Variants in WDFY2 observed in about 807,000 individuals in gnomAD.
WDFY2 encodes WD repeat and FYVE domain containing 2.
In WDFY2, 36 loss-of-function variants were observed where a neutral mutation model predicts 56.4. The observed-to-expected ratio is 0.64, with a 90% CI of 0.49 to 0.84. WDFY2 has a LOEUF of 0.84. Among genes scored for constraint, WDFY2 ranks in the 40% least tolerant of loss-of-function variants. WDFY2 has a pLI of 0.00. For missense variants in WDFY2, 444 were observed against 512.2 expected (o/e 0.87, Z 1.29); for synonymous variants, 176 against 183.7 (o/e 0.96, Z 0.34).
rs1953893849 is a variant in WDFY2 at position 51,584,490 on chromosome 13, G to T, written c.-198G>T. 2 of 662,224 alleles carry T rather than the reference G, an allele frequency of 3.0e-6. No individual in the cohort carries two copies. Among genetic ancestry groups the T allele is most frequent in the East Asian group, 3.1e-5 (1 of 32,654 alleles). 41.0% of individuals were successfully genotyped at this position (662,224 alleles called of 1,614,324 possible). A position where few individuals can be genotyped will look rare whatever the true frequency, so the allele number is the denominator to read the frequency against. On this transcript the variant is annotated 5_prime_UTR_variant, in exon 1 of 12. Coordinates refer to ENST00000298125, the MANE Select transcript of WDFY2 (RefSeq NM_052950.4). ...GTGGCGCCGGCTTGCATCCCAGGTC[G>T]TGGCGGTTTTGGTGCCTGAAGCAGG...
chr13:51,745,004 C>T (rs759508795), intron 7 of WDFY2, among the ~76,000 whole-genome samples: 7 of 152,198 alleles, frequency 4.6e-5, no homozygotes, highest in Non-Finnish European at 2.9e-5. Context: ...ATATTAACAG[C>T]ACTGGAGTCC....
chr13:51,584,564 T>C lies in WDFY2; in HGVS notation c.-124T>C. ...AGGCGGCCAGGCTATGCTCGCCGGT[T>C]TCCGGCGTTCCGCTCCGGCCAGCCA... On this transcript the variant is annotated 5_prime_UTR_variant, in exon 1 of 12. Coordinates refer to ENST00000298125, the MANE Select transcript of WDFY2 (RefSeq NM_052950.4). 4 of 1,336,468 alleles carry C rather than the reference T, an allele frequency of 3.0e-6. No individual in the cohort carries two copies. The highest frequency in any genetic ancestry group is 4.0e-6 in the Non-Finnish European group (4 of 1,012,332). The allele number at this position is 1,336,468 out of a possible 1,614,324, so 82.8% of individuals were successfully genotyped here.
chr13:51,622,789 A>G (rs1413571299), intron 1 of WDFY2, among the ~76,000 whole-genome samples: 2 of 151,600 alleles, frequency 1.3e-5, no homozygotes, highest in African/African-American at 4.8e-5. Flanking sequence ...GAAAATAAGG[A>G]TGATCATGTA....
chr13:51,654,526 T>A (rs1955469888), intron 1 of WDFY2, among the ~76,000 whole-genome samples: 1 of 152,236 alleles, frequency 6.6e-6, no homozygotes, highest in Non-Finnish European at 1.5e-5. Context: ...GAGCTGTTCC[T>A]GATCGGCCAT....
chr13:51,682,089 T>A (rs2138519066), intron 3 of WDFY2, among the ~76,000 whole-genome samples: 1 of 152,306 alleles, frequency 6.6e-6, no homozygotes, highest in East Asian at 1.9e-4. Context: ...AGTTCTGTAG[T>A]GTGAATACCC....
intron 7 of WDFY2, among the ~76,000 whole-genome samples, chr13:51,749,615 A>T (rs1295285187): frequency 6.6e-6 from 1 of 152,168 alleles, no homozygotes; most frequent in Non-Finnish European, 1.5e-5. Flanking sequence ...ACATTCCCTT[A>T]AAGTGGCAAA....
chr13:51,623,692 T>C (rs967552297), intron 1 of WDFY2, among the ~76,000 whole-genome samples: 4 of 152,224 alleles, frequency 2.6e-5, no homozygotes, highest in Admixed American at 2.0e-4. Context: ...GTGCACCACG[T>C]GTCAGAATGC....
In WDFY2 at chr13:51,758,316, A is replaced by C; in HGVS notation, c.1173+16A>C. 3 of 1,552,678 alleles carry C rather than the reference A, an allele frequency of 1.9e-6. No homozygotes were observed. The highest frequency in any genetic ancestry group is 1.8e-6 in the Non-Finnish European group (2 of 1,130,498). ...GGTTATTAAGGTAAGATGCCATCTT[A>C]TTAAGAAGCTTTCCATCTTTGGCCT... On this transcript the variant is annotated intron_variant, in intron 11 of 11. Coordinates refer to ENST00000298125, the MANE Select transcript of WDFY2 (RefSeq NM_052950.4).
At chr13:51,664,831 A>G (rs1233785371) in intron 2 of WDFY2, among the ~76,000 whole-genome samples, 2 of 152,188 alleles carry the variant, frequency 1.3e-5, no homozygotes, top group East Asian at 3.9e-4. Flanking sequence ...ATAGCCTGGG[A>G]AAGGTGAGGG....
chr13:51,663,516 A>G (rs1955649801), intron 2 of WDFY2, among the ~76,000 whole-genome samples: 1 of 152,192 alleles, frequency 6.6e-6, no homozygotes, highest in Non-Finnish European at 1.5e-5. Flanking sequence ...TCTTCATCAC[A>G]ATTGGTTAGA....
chr13:51,678,828 G>T (rs1216075812), intron 3 of WDFY2, among the ~76,000 whole-genome samples: 1 of 152,138 alleles, frequency 6.6e-6, no homozygotes, highest in Non-Finnish European at 1.5e-5. Context: ...AGAAGTACCG[G>T]TACACCAATG....
At chr13:51,700,573 T>C (rs77009328) in intron 3 of WDFY2, among the ~76,000 whole-genome samples, 2 of 152,346 alleles carry the variant, frequency 1.3e-5, no homozygotes, top group East Asian at 3.9e-4. Flanking sequence ...TTTTATTTTA[T>C]AGAAATACTG....
intron 1 of WDFY2, among the ~76,000 whole-genome samples, chr13:51,655,124 A>G (rs988969193): frequency 3.9e-5 from 6 of 152,154 alleles, no homozygotes; most frequent in Non-Finnish European, 5.9e-5. Flanking sequence ...AGGATTTTCT[A>G]TAAGTAGAAT....
intron 1 of WDFY2, among the ~76,000 whole-genome samples, chr13:51,595,946 T>A (rs1954136503): frequency 6.6e-6 from 1 of 152,216 alleles, no homozygotes; most frequent in African/African-American, 2.4e-5. Flanking sequence ...TTTGACTCTT[T>A]GCTCTGCCAC....
At chr13:51,585,489 G>T (rs1953919453) in intron 1 of WDFY2, among the ~76,000 whole-genome samples, 1 of 152,184 alleles carries the variant, frequency 6.6e-6, no homozygotes, top group Non-Finnish European at 1.5e-5. Flanking sequence ...CCCTTTGCCT[G>T]TTTCCTTTAT....
chr13:51,727,656 A>G (rs780668742), intron 5 of WDFY2, 22 bp from the exon 6 acceptor site: 17 of 1,602,800 alleles, frequency 1.1e-5, no homozygotes, highest in Middle Eastern at 1.7e-4. Context: ...TTGAGAAACA[A>G]TCCTTAATGC....
At chr13:51,595,559 G>T (rs1566301683) in intron 1 of WDFY2, among the ~76,000 whole-genome samples, 1 of 152,182 alleles carries the variant, frequency 6.6e-6, no homozygotes, top group Non-Finnish European at 1.5e-5. Context: ...CTGGCCATGA[G>T]AGGTGAAGAT....
intron 1 of WDFY2, among the ~76,000 whole-genome samples, chr13:51,632,561 T>C (rs1175459869): frequency 6.6e-6 from 1 of 152,198 alleles, no homozygotes; most frequent in Non-Finnish European, 1.5e-5. Context: ...CAGGAGCCAG[T>C]CTGCATTTCA....
chr13:51,712,877 A>C (rs1311739277), intron 4 of WDFY2, among the ~76,000 whole-genome samples: 1 of 152,168 alleles, frequency 6.6e-6, no homozygotes, highest in Non-Finnish European at 1.5e-5. Context: ...TGAAAACTGA[A>C]ATTTTAAAAA....
Sources: allele counts gnomAD v4.1 joint callset (sites outside exome capture counted in the v4.1 genomes callset), GRCh38; gene constraint gnomAD v4.1.1; transcripts MANE v1.5; gene names NCBI Gene and HGNC (gene_info 2026-07-23, HGNC 2026-07-21).